CNOT4: variants seen among roughly 807,000 people sequenced by gnomAD.
CNOT4 encodes the protein CCR4-NOT transcription complex subunit 4, also known as CCR4-associated factor 4.
Under a neutral mutation model 73.8 loss-of-function variants are expected in CNOT4, and 8 were observed. The observed-to-expected ratio is 0.11, with a 90% CI of 0.06 to 0.20. The LOEUF (loss-of-function observed/expected upper bound fraction) is 0.20. CNOT4 is among the 10% of genes least tolerant of loss of function. CNOT4 has a pLI of 1.00. For synonymous variants in CNOT4, 293 were observed against 321.1 expected, an observed-to-expected ratio of 0.91 and a Z score of 0.94; for missense variants, 564 against 883.4, an observed-to-expected ratio of 0.64 and a Z score of 4.58.
intron 2 of CNOT4, among the ~76,000 whole-genome samples, chr7:135,433,471 C>A (rs555238693): frequency 7.9e-5 from 12 of 151,320 alleles, no homozygotes; most frequent in Admixed American, 5.9e-4. Context: ...ATCCTCCCAC[C>A]TTAGCCTCCC....
At chr7:135,452,276 C>CA (rs1800220348) in intron 1 of CNOT4, among the ~76,000 whole-genome samples, 2 of 151,352 alleles carry the variant, frequency 1.3e-5, no homozygotes, top group Non-Finnish European at 2.9e-5. Context: ...TATCAAAGGA[C>CA]ATGTAAGAAA....
chr7:135,442,805 C>T (rs1195858606), intron 1 of CNOT4, among the ~76,000 whole-genome samples: 1 of 152,042 alleles, frequency 6.6e-6, no homozygotes, highest in Non-Finnish European at 1.5e-5. Context: ...CACCTGTAAT[C>T]CCAGCACCTT....
At chr7:135,410,812 T>G (rs987409185) in intron 6 of CNOT4, among the ~76,000 whole-genome samples, 164 bp from the exon 7 acceptor site, 3 of 151,128 alleles carry the variant, frequency 2.0e-5, no homozygotes, top group Non-Finnish European at 4.4e-5. Flanking sequence ...ATAAAACAAG[T>G]AAGAGAAACC....
intron 3 of CNOT4, among the ~76,000 whole-genome samples, chr7:135,415,755 T>C (rs540363935): frequency 6.6e-6 from 1 of 152,286 alleles, no homozygotes; most frequent in East Asian, 1.9e-4. Context: ...AATCACAAAT[T>C]TCAAGTAACA....
intron 1 of CNOT4, among the ~76,000 whole-genome samples, chr7:135,485,221 T>C (rs772403776): frequency 6.6e-6 from 1 of 152,226 alleles, no homozygotes; most frequent in Non-Finnish European, 1.5e-5. Flanking sequence ...TACAGGTGCG[T>C]GCCGCCACAC....
intron 1 of CNOT4, among the ~76,000 whole-genome samples, chr7:135,487,782 G>A (rs1165940371): frequency 2.6e-5 from 4 of 152,166 alleles, no homozygotes; most frequent in Admixed American, 2.0e-4. Context: ...GGCCAGGCAC[G>A]GTGGCTTACG....
intron 1 of CNOT4, among the ~76,000 whole-genome samples, chr7:135,474,856 T>C (rs1801893860): frequency 6.6e-6 from 1 of 152,196 alleles, no homozygotes; most frequent in Non-Finnish European, 1.5e-5. Context: ...ACATTACAAA[T>C]TGCCTCAATC....
At chr7:135,420,671 G>GGTGTAAATACTGGCAT (rs1798138944) in intron 3 of CNOT4, among the ~76,000 whole-genome samples, 1 of 149,752 alleles carries the variant, frequency 6.7e-6, no homozygotes, top group South Asian at 2.1e-4. Context: ...GGAGTATATA[G>GGTGTAAATACTGGCAT]AAGTGCCCTG....
chr7:135,465,907 G>A (rs1161369190), intron 1 of CNOT4, among the ~76,000 whole-genome samples: 3 of 151,952 alleles, frequency 2.0e-5, no homozygotes, highest in Non-Finnish European at 4.4e-5. Context: ...AATTAGCCGG[G>A]CGTGGTGGCC....
At chr7:135,490,286 G>A (rs1325676151) in intron 1 of CNOT4, among the ~76,000 whole-genome samples, 1 of 152,116 alleles carries the variant, frequency 6.6e-6, no homozygotes, top group Admixed American at 6.6e-5. Context: ...GAAGGGTTTC[G>A]AGTAGAAAAT....
intron 1 of CNOT4, among the ~76,000 whole-genome samples, chr7:135,492,207 C>T (rs901908073): frequency 6.6e-6 from 1 of 151,928 alleles, no homozygotes; most frequent in African/African-American, 2.4e-5. Flanking sequence ...AGTACAATTG[C>T]CAGACAATAT....
intron 10 of CNOT4, among the ~76,000 whole-genome samples, chr7:135,373,743 A>AT (rs34510889): frequency 0.23 from 34,210 of 149,714 alleles, 4,281 homozygotes; most frequent in East Asian, 0.52. Flanking sequence ...AGCCCAGCTA[A>AT]TTTTTTTTTT....
intron 1 of CNOT4, among the ~76,000 whole-genome samples, chr7:135,462,646 C>T (rs1247000353): frequency 6.6e-6 from 1 of 152,188 alleles, no homozygotes; most frequent in Non-Finnish European, 1.5e-5. Context: ...ATATTAAGCA[C>T]ATTCTGTATT....
intron 10 of CNOT4, chr7:135,387,783 G>A: frequency 6.1e-6 from 6 of 979,378 alleles, no homozygotes; most frequent in Non-Finnish European, 7.3e-6. Context: ...TTCACATTAT[G>A]TCCTAATAAA....
At chr7:135,448,037 G>C (rs1799934696) in intron 1 of CNOT4, among the ~76,000 whole-genome samples, 1 of 152,250 alleles carries the variant, frequency 6.6e-6, no homozygotes, top group East Asian at 1.9e-4. Context: ...TCATACACAA[G>C]TCTGTGCCCC....
intron 5 of CNOT4, 126 bp from the exon 6 acceptor site, chr7:135,413,739 T>C (rs1797702459): frequency 3.9e-6 from 3 of 777,676 alleles, no homozygotes; most frequent in Non-Finnish European, 6.0e-6. Flanking sequence ...ACAAAAAGTA[T>C]GGCTGCAAAT....
intron 1 of CNOT4, among the ~76,000 whole-genome samples, chr7:135,506,588 G>A (rs531813623): frequency 4.6e-5 from 7 of 152,138 alleles, no homozygotes; most frequent in African/African-American, 9.7e-5. Flanking sequence ...GGTGGCTCAC[G>A]TCTGTAATCC....
At chr7:135,404,026 T>C (rs528671161) in intron 7 of CNOT4, among the ~76,000 whole-genome samples, 4 of 152,266 alleles carry the variant, frequency 2.6e-5, no homozygotes, top group African/African-American at 7.2e-5. Context: ...CCCCACCCTC[T>C]GGAACAAATA....
At chr7:135,474,695 T>C in intron 1 of CNOT4, among the ~76,000 whole-genome samples, 1 of 152,178 alleles carries the variant, frequency 6.6e-6, no homozygotes, top group East Asian at 1.9e-4. Context: ...TTGTTCCTAT[T>C]AAATTTCTAT....
Sources: gnomAD v4.1 joint callset for allele counts (sites outside exome capture counted in the v4.1 genomes callset) on GRCh38, gnomAD v4.1.1 for gene constraint, MANE v1.5 for transcripts, NCBI Gene and HGNC (gene_info 2026-07-23, HGNC 2026-07-21) for gene names.